The following FCHO2 variants were observed in gnomAD, a reference collection of about 807,000 sequenced individuals.
The protein encoded by FCHO2 is F-BAR domain only protein 2.
In FCHO2, 43 loss-of-function variants were observed where a neutral mutation model predicts 114.1. That is an observed-to-expected ratio of 0.38 (90% CI 0.30 to 0.49). The LOEUF is 0.49. Among genes scored for constraint, FCHO2 ranks in the 20% least tolerant of loss-of-function variants. The pLI is 0.97. For missense variants in FCHO2, 807 were observed against 950.4 expected (o/e 0.85, Z 1.98); for synonymous variants, 293 against 315.2 (o/e 0.93, Z 0.75).
At chr5:72,976,730 G>T (rs536331087) in intron 2 of FCHO2, among the ~76,000 whole-genome samples, 14 of 152,108 alleles carry the variant, frequency 9.2e-5, no homozygotes, top group African/African-American at 3.4e-4. Context: ...CCATGAACCT[G>T]TCATCCACAT....
At chr5:72,972,167 T>C (rs1206907628) in intron 2 of FCHO2, among the ~76,000 whole-genome samples, 1 of 152,080 alleles carries the variant, frequency 6.6e-6, no homozygotes, top group East Asian at 1.9e-4. Flanking sequence ...TGGCTTAGGA[T>C]TGACTTGGCG....
chr5:72,995,098 T>C (rs1015923128), intron 5 of FCHO2, among the ~76,000 whole-genome samples: 2 of 152,076 alleles, frequency 1.3e-5, no homozygotes, highest in African/African-American at 4.8e-5. Context: ...CCTTCACATG[T>C]TCCCCTGAAC....
Position 73,081,860 on chromosome 5 carries a change from T to G in FCHO2, c.2058T>G (p.Leu686=). The change falls in exon 23 of 26, where the codon CTT becomes CTG. Residue 686 remains leucine (L), a synonymous_variant. Transcript: ENST00000430046. ...YWKCSASTTD[L]RVDYKYNPEA... ...AATGTAGTGCTAGCACCACAGATCT[T>G]AGAGTGGATTATAAATACAATCCAG... 1 of 1,612,718 alleles carries G rather than the reference T, an allele frequency of 6.2e-7. No homozygotes were observed. Among genetic ancestry groups the G allele is most frequent in the Non-Finnish European group, 8.5e-7 (1 of 1,179,244 alleles).
intron 1 of FCHO2, among the ~76,000 whole-genome samples, chr5:72,967,346 T>C (rs1752257727): frequency 6.6e-6 from 1 of 152,172 alleles, no homozygotes; most frequent in Non-Finnish European, 1.5e-5. Context: ...CTCTTCTCTT[T>C]TGTTAAATTT....
chr5:73,070,208 C>T (rs991679785), intron 19 of FCHO2, among the ~76,000 whole-genome samples: 3 of 152,034 alleles, frequency 2.0e-5, no homozygotes, highest in South Asian at 4.1e-4. Flanking sequence ...GATTTAATTC[C>T]AGTTGATTTG....
chr5:72,965,654 G>C (rs901182955), intron 1 of FCHO2, among the ~76,000 whole-genome samples: 1 of 152,136 alleles, frequency 6.6e-6, no homozygotes, highest in Non-Finnish European at 1.5e-5. Context: ...TCATCAAAGC[G>C]TATCTGTAGG....
chr5:73,058,492 C>T lies in FCHO2; in HGVS notation c.1313C>T (p.Ser438Phe). ...DPLFGPSLDS[S>F]SSSSLTSSSS... ...CTATTTGGACCATCTCTTGATTCAT[C>T]TTCTTCATCTTCACTAACTTCATCA... The change falls in exon 17 of 26, where the codon TCT becomes TTT. Residue 438 changes from serine (S) to phenylalanine (F), a missense_variant. By Grantham distance (155) the Ser-to-Phe change is radical (BLOSUM62 -2). Coordinates refer to ENST00000430046, the MANE Select transcript of FCHO2 (RefSeq NM_138782.3). 6.5e-7 allele frequency: 1 copy of T among 1,532,662 alleles called. No individual in the cohort carries two copies. Among genetic ancestry groups the T allele is most frequent in the East Asian group, 2.3e-5 (1 of 42,960 alleles). The allele number at this position is 1,532,662 out of a possible 1,614,324, so 94.9% of individuals were successfully genotyped here. A position where few individuals can be genotyped will look rare whatever the true frequency, so the allele number is the denominator to read the frequency against.
At chr5:73,051,980 G>A (rs1343971193) in intron 12 of FCHO2, among the ~76,000 whole-genome samples, 2 of 152,150 alleles carry the variant, frequency 1.3e-5, no homozygotes, top group Non-Finnish European at 2.9e-5. Flanking sequence ...CTGGAGTGCA[G>A]TGGTGCGATC....
intron 8 of FCHO2, chr5:73,034,402 G>T: frequency 3.0e-6 from 1 of 328,126 alleles, no homozygotes. Context: ...GGCATCATAT[G>T]TAATTGGTTT....
rs114882901 is a variant in FCHO2 at position 73,047,972 on chromosome 5, C to A, written c.940-3377C>A. On this transcript the variant is annotated intron_variant, in intron 11 of 25. Transcript: ENST00000430046. ...CCACCTCAGCTCCCTAGTAGCTGGG[C>A]TGCAGGTGCATGCCTCCATGCTCAG... Among the ~76,000 whole-genome samples, 487 of 152,102 alleles carry A rather than the reference C, an allele frequency of 3.2e-3. 4 individuals carry two copies. The highest frequency in any genetic ancestry group is 4.1e-3 in the Non-Finnish European group (281 of 67,974).
intron 8 of FCHO2, among the ~76,000 whole-genome samples, chr5:73,029,713 C>T (rs1173751096): frequency 6.6e-6 from 1 of 152,120 alleles, no homozygotes; most frequent in Non-Finnish European, 1.5e-5. Context: ...AGAGAGCCAC[C>T]ATGTCACATG....
At chr5:73,074,661 C>T (rs767298248) in intron 19 of FCHO2, 81 bp from the exon 20 acceptor site, 27 of 1,326,592 alleles carry the variant, frequency 2.0e-5, no homozygotes, top group Non-Finnish European at 2.9e-5. Context: ...TTGTGACAGC[C>T]TAACAATGTG....
chr5:73,059,495 A>G (rs1031523908), intron 17 of FCHO2, among the ~76,000 whole-genome samples: 2 of 152,134 alleles, frequency 1.3e-5, no homozygotes, highest in South Asian at 2.1e-4. Flanking sequence ...CCATTGTTCT[A>G]TCTGTCACAC....
chr5:73,055,332 T>G lies in FCHO2; in HGVS notation c.1211-733T>G, dbSNP rs116336186. 6.2e-3 allele frequency among the ~76,000 whole-genome samples: 945 copies of G among 152,168 alleles called. 11 individuals are homozygous for G. The highest frequency in any genetic ancestry group is 0.022 in the African/African-American group (904 of 41,518). On this transcript the variant is annotated intron_variant, in intron 15 of 25. Transcript: ENST00000430046. ...AAACAACCAACCAAACTGAGCCAAGTGAAGAATGTAGAGTGAATGGTTATC... is the reference window on the plus strand; with the variant it reads ...AAACAACCAACCAAACTGAGCCAAGGGAAGAATGTAGAGTGAATGGTTATC...
At chr5:72,986,022 T>C (rs533121858) in intron 2 of FCHO2, among the ~76,000 whole-genome samples, 1 of 152,154 alleles carries the variant, frequency 6.6e-6, no homozygotes, top group Non-Finnish European at 1.5e-5. Flanking sequence ...CTCTTCTCTG[T>C]TTTTCATTCT....
Position 73,052,349 on chromosome 5 carries a change from T to A in FCHO2, c.1015T>A (p.Phe339Ile). The part of the protein sequence containing the change: ...TNQNDTKENH[F>I]YSSSDSDSED... ...AAACTCACATACCAAAGAGAACCAT[T>A]TCTACTCATCTAGTGATTCTGACTC... The change falls in exon 13 of 26, where the codon TTC becomes ATC. Residue 339 changes from phenylalanine (F) to isoleucine (I), a missense_variant. Phe to Ile is a conservative substitution (Grantham distance 21). Transcript: ENST00000430046. The A allele has an allele frequency of 6.2e-7, 1 of 1,608,170 alleles. No individual in the cohort carries two copies.
intron 16 of FCHO2, 64 bp downstream of exon 16, chr5:73,056,171 A>G (rs746853157): frequency 2.4e-6 from 3 of 1,273,418 alleles, no homozygotes; most frequent in Non-Finnish European, 3.2e-6. Context: ...TGTTTGATTT[A>G]TGGCAAAATT....
At chr5:73,017,782 A>G (rs1352040407) in intron 8 of FCHO2, among the ~76,000 whole-genome samples, 1 of 152,116 alleles carries the variant, frequency 6.6e-6, no homozygotes, top group African/African-American at 2.4e-5. Flanking sequence ...CATTTAACAA[A>G]TATATTTATT....
chr5:72,985,864 C>T (rs1374180102), intron 2 of FCHO2, among the ~76,000 whole-genome samples: 1 of 152,118 alleles, frequency 6.6e-6, no homozygotes, highest in Non-Finnish European at 1.5e-5. Flanking sequence ...AATTTATCCT[C>T]TTAAAGTTTG....
Sources: gnomAD v4.1 joint callset for allele counts (sites outside exome capture counted in the v4.1 genomes callset) on GRCh38, gnomAD v4.1.1 for gene constraint, MANE v1.5 for transcripts, NCBI Gene and HGNC (gene_info 2026-07-23, HGNC 2026-07-21) for gene names.